IMMP2L: variants seen among roughly 807,000 people sequenced by gnomAD.
IMMP2L encodes mitochondrial inner membrane protease subunit 2.
In IMMP2L, 18 loss-of-function variants were observed where a neutral mutation model predicts 19.3. The observed-to-expected ratio is 0.93, with a 90% CI of 0.64 to 1.38. IMMP2L has a LOEUF of 1.38. Among genes scored for constraint, IMMP2L ranks in the 40% most tolerant of loss-of-function variants. IMMP2L has a pLI of 0.00. For synonymous variants in IMMP2L, 76 were observed against 73.0 expected (o/e 1.04, Z -0.21); for missense variants, 233 against 218.2 (o/e 1.07, Z -0.43).
At position 111,125,024 on chromosome 7, in the gene IMMP2L, G is replaced by A. The variant is rs374906931; in HGVS notation, c.240-161459C>T. Reference sequence around the variant, plus strand: ...AAGTAAAAAAAGATTACTTTCGAGAGAGAAGTTTAAGCTTCACCAATGCTG... The same window carrying A: ...AAGTAAAAAAAGATTACTTTCGAGAAAGAAGTTTAAGCTTCACCAATGCTG... On this transcript the variant is annotated intron_variant, in intron 3 of 5. Coordinates refer to ENST00000405709, the MANE Select transcript of IMMP2L (RefSeq NM_032549.4). 6.7e-5 allele frequency: 50 copies of A among 741,654 alleles called. 3 individuals carry two copies. The South Asian group carries it at 9.3e-4, about 14-fold the overall frequency. The allele number at this position is 741,654 out of a possible 1,614,324, so 45.9% of individuals were successfully genotyped here.
intron 5 of IMMP2L, among the ~76,000 whole-genome samples, chr7:110,882,656 C>T (rs761507173): frequency 5.3e-5 from 8 of 152,096 alleles, no homozygotes; most frequent in Non-Finnish European, 8.8e-5. Context: ...GCTGGGATTA[C>T]AGCCATGAGC....
intron 5 of IMMP2L, among the ~76,000 whole-genome samples, chr7:110,679,690 G>A (rs1347377356): frequency 6.6e-6 from 1 of 152,122 alleles, no homozygotes; most frequent in African/African-American, 2.4e-5. Context: ...TGTTCATCTG[G>A]GTGGCTATCT....
At chr7:111,178,220 T>C (rs1428935592) in intron 3 of IMMP2L, among the ~76,000 whole-genome samples, 2 of 152,096 alleles carry the variant, frequency 1.3e-5, no homozygotes, top group African/African-American at 4.8e-5. Flanking sequence ...ATAAAAGTTA[T>C]GTTTACACTA....
intron 3 of IMMP2L, among the ~76,000 whole-genome samples, chr7:111,485,898 C>T (rs1043959724): frequency 4.6e-5 from 7 of 151,946 alleles, no homozygotes; most frequent in African/African-American, 1.7e-4. Context: ...AAAAAAAATA[C>T]TGCACAATTG....
intron 3 of IMMP2L, among the ~76,000 whole-genome samples, chr7:111,085,901 C>T (rs955807208): frequency 6.6e-6 from 1 of 152,104 alleles, no homozygotes; most frequent in African/African-American, 2.4e-5. Flanking sequence ...AAACCAAATA[C>T]CACATGTTCT....
intron 5 of IMMP2L, among the ~76,000 whole-genome samples, chr7:110,790,556 T>A (rs1340547639): frequency 2.1e-4 from 32 of 151,710 alleles, no homozygotes; most frequent in Admixed American, 2.1e-3. Flanking sequence ...AGGATGTATC[T>A]ACTTTTCAAC....
chr7:111,495,426 T>C (rs1254587958), intron 2 of IMMP2L, among the ~76,000 whole-genome samples: 1 of 152,206 alleles, frequency 6.6e-6, no homozygotes, highest in East Asian at 1.9e-4. Flanking sequence ...AGCCAATATC[T>C]ATCAAATCTG....
chr7:111,007,123 C>T (rs1287062643), intron 3 of IMMP2L, among the ~76,000 whole-genome samples: 1 of 152,042 alleles, frequency 6.6e-6, no homozygotes, highest in African/African-American at 2.4e-5. Context: ...AGCTTACAAT[C>T]ATGGCAGAAA....
intron 4 of IMMP2L, among the ~76,000 whole-genome samples, chr7:110,909,408 C>T (rs575658392): frequency 6.6e-6 from 1 of 152,144 alleles, no homozygotes; most frequent in African/African-American, 2.4e-5. Flanking sequence ...AAAATAAATA[C>T]CTTATAAGCC....
chr7:110,696,430 T>TG (rs932590562), intron 5 of IMMP2L, among the ~76,000 whole-genome samples: 1 of 147,298 alleles, frequency 6.8e-6, no homozygotes, highest in African/African-American at 2.5e-5. Flanking sequence ...TTTCTCTTTT[T>TG]TTTTTTTTTT....
chr7:111,498,407 G>A (rs776614734), intron 2 of IMMP2L, among the ~76,000 whole-genome samples: 9 of 151,650 alleles, frequency 5.9e-5, no homozygotes, highest in South Asian at 4.2e-4. Flanking sequence ...CCAGCTACAC[G>A]GAAAAACCCC....
At chr7:111,201,373 T>C (rs1414019992) in intron 3 of IMMP2L, among the ~76,000 whole-genome samples, 1 of 151,980 alleles carries the variant, frequency 6.6e-6, no homozygotes, top group African/African-American at 2.4e-5. Context: ...AATGTTGGTG[T>C]CCACCCAAAA....
At chr7:111,521,541 G>C in intron 1 of IMMP2L, 92 bp from the exon 2 acceptor site, 1 of 1,120,948 alleles carries the variant, frequency 8.9e-7, no homozygotes, top group Non-Finnish European at 1.3e-6. Flanking sequence ...AAGAGTTACC[G>C]AAGGGCAATC....
chr7:111,321,469 C>A (rs1385381492), intron 3 of IMMP2L, among the ~76,000 whole-genome samples: 1 of 151,728 alleles, frequency 6.6e-6, no homozygotes, highest in Non-Finnish European at 1.5e-5. Flanking sequence ...CTCAATGTCT[C>A]AAATTAAATG....
chr7:111,192,526 TAATAA>T (rs1300290714), intron 3 of IMMP2L, among the ~76,000 whole-genome samples: 1 of 152,160 alleles, frequency 6.6e-6, no homozygotes, highest in Non-Finnish European at 1.5e-5. Context: ...TACTTAATCT[TAATAA>T]AATTAAGTGA....
intron 3 of IMMP2L, among the ~76,000 whole-genome samples, chr7:111,174,476 C>A (rs1344214285): frequency 1.3e-5 from 2 of 151,606 alleles, no homozygotes; most frequent in Non-Finnish European, 3.0e-5. Context: ...ATTTTCAGCT[C>A]CTACCTCACT....
intron 3 of IMMP2L, among the ~76,000 whole-genome samples, chr7:111,460,530 G>A (rs1005389280): frequency 6.6e-6 from 1 of 151,864 alleles, no homozygotes; most frequent in Non-Finnish European, 1.5e-5. Context: ...TTTAATAAAT[G>A]TTTTCCTTGT....
At chr7:111,450,534 C>G (rs1326667928) in intron 3 of IMMP2L, among the ~76,000 whole-genome samples, 1 of 150,508 alleles carries the variant, frequency 6.6e-6, no homozygotes, top group African/African-American at 2.5e-5. Flanking sequence ...GGATCCCTTC[C>G]TTACACCTTA....
At chr7:111,489,362 G>A (rs1204762614) in intron 2 of IMMP2L, among the ~76,000 whole-genome samples, 1 of 151,808 alleles carries the variant, frequency 6.6e-6, no homozygotes, top group Non-Finnish European at 1.5e-5. Context: ...TTTTTGCTGC[G>A]GTTGTCCTTT....
Sources: allele counts gnomAD v4.1 joint callset (sites outside exome capture counted in the v4.1 genomes callset), GRCh38; gene constraint gnomAD v4.1.1; transcripts MANE v1.5; gene names NCBI Gene and HGNC (gene_info 2026-07-23, HGNC 2026-07-21).